Variants in MORC4 observed in about 807,000 individuals in gnomAD.
MORC4 encodes MORC family CW-type zinc finger protein 4.
MORC4 carries 22 observed loss-of-function variants against 65.5 expected under a neutral mutation model. The observed-to-expected ratio is 0.34, with a 90% CI of 0.24 to 0.48. The LOEUF is 0.48. Among genes scored for constraint, MORC4 ranks in the 20% least tolerant of loss-of-function variants. The pLI, the probability that MORC4 is intolerant of heterozygous loss-of-function variation, is 0.99. For missense variants in MORC4, 624 were observed against 703.0 expected (o/e 0.89, Z 1.27); for synonymous variants, 267 against 255.8 (o/e 1.04, Z -0.42).
intron 14 of MORC4, among the ~76,000 whole-genome samples, chrX:106,949,715 A>G (rs1006165685): frequency 2.7e-5 from 3 of 112,369 alleles, no homozygotes; most frequent in African/African-American, 9.7e-5. Context: ...TTATTAGTTA[A>G]AGGTTGTGCT....
intron 2 of MORC4, among the ~76,000 whole-genome samples, chrX:106,996,840 C>T (rs1935089517): frequency 8.9e-6 from 1 of 112,173 alleles, no homozygotes; most frequent in Admixed American, 9.4e-5. Context: ...CCCCTGCTCT[C>T]GTTATCTCAT....
intron 14 of MORC4, among the ~76,000 whole-genome samples, chrX:106,947,075 G>T (rs780494437): frequency 9.0e-6 from 1 of 111,170 alleles, no homozygotes; most frequent in South Asian, 3.8e-4. Context: ...TTTCCAATGT[G>T]ATTTTTTTTC....
chrX:106,956,867 C>G (rs768946507), intron 12 of MORC4, 69 bp downstream of exon 12: 382 of 850,328 alleles, frequency 4.5e-4, no homozygotes, highest in Non-Finnish European at 5.6e-4. Flanking sequence ...TCTCAAAACT[C>G]CCGTCCTGTA....
intron 9 of MORC4, among the ~76,000 whole-genome samples, chrX:106,971,702 A>G (rs1602493939): frequency 1.8e-5 from 2 of 112,684 alleles, no homozygotes; most frequent in Admixed American, 9.4e-5. Flanking sequence ...TGCAGCCAAC[A>G]GACATATGAA....
intron 14 of MORC4, among the ~76,000 whole-genome samples, chrX:106,948,878 T>C (rs1160788451): frequency 1.8e-5 from 2 of 111,636 alleles, no homozygotes; most frequent in African/African-American, 6.5e-5. Flanking sequence ...TGCACTATGA[T>C]GTGTCTGGCA....
chrX:106,952,828 T>C (rs1934007324), intron 14 of MORC4, among the ~76,000 whole-genome samples: 1 of 112,135 alleles, frequency 8.9e-6, no homozygotes, highest in Admixed American at 9.4e-5. Flanking sequence ...AACTCTTGAT[T>C]AAACCTTAAT....
At chrX:106,976,918 T>C (rs1414634902) in intron 8 of MORC4, among the ~76,000 whole-genome samples, 1 of 111,466 alleles carries the variant, frequency 9.0e-6, no homozygotes, top group Non-Finnish European at 1.9e-5. Context: ...CATAGATCCC[T>C]AGGAGTCTTC....
intron 10 of MORC4, 42 bp from the exon 11 acceptor site, chrX:106,958,506 C>A: frequency 8.9e-7 from 1 of 1,129,112 alleles, no homozygotes; most frequent in Non-Finnish European, 1.2e-6. Flanking sequence ...TATATCTTAG[C>A]TCTGTGCTTT....
chrX:106,956,642 C>T (rs1221431541), intron 12 of MORC4, 108 bp from the exon 13 acceptor site: 8 of 700,764 alleles, frequency 1.1e-5, no homozygotes, highest in East Asian at 3.2e-5. Context: ...ATTACAAATA[C>T]TGTGAGCCTC....
intron 9 of MORC4, among the ~76,000 whole-genome samples, chrX:106,963,500 A>G (rs1490854440): frequency 8.9e-6 from 1 of 111,856 alleles, no homozygotes; most frequent in Non-Finnish European, 1.9e-5. Context: ...CAAAAAGGAC[A>G]CTGTCCTCCA....
intron 14 of MORC4, among the ~76,000 whole-genome samples, chrX:106,951,378 A>T (rs989179408): frequency 9.0e-6 from 1 of 111,471 alleles, no homozygotes; most frequent in Non-Finnish European, 1.9e-5. Flanking sequence ...GTTACTTTAG[A>T]TCTTTCTTTT....
At chrX:106,984,696 C>T (rs1934831439) in intron 5 of MORC4, among the ~76,000 whole-genome samples, 1 of 107,019 alleles carries the variant, frequency 9.3e-6, no homozygotes, top group Non-Finnish European at 1.9e-5. Context: ...TGAGAGGTCT[C>T]GATCTCTCAA....
intron 3 of MORC4, 45 bp from the exon 4 acceptor site, chrX:106,986,245 A>G: frequency 9.9e-7 from 1 of 1,009,721 alleles, no homozygotes; most frequent in Non-Finnish European, 1.4e-6. Flanking sequence ...AAGAAATCAG[A>G]AAGGTAAAAA....
chrX:106,990,411 A>C (rs1934958324), intron 3 of MORC4, among the ~76,000 whole-genome samples: 1 of 109,494 alleles, frequency 9.1e-6, no homozygotes, highest in African/African-American at 3.3e-5. Context: ...TGCATGCCAA[A>C]ATGTTCAGCT....
intron 2 of MORC4, 123 bp downstream of exon 2, chrX:106,999,554 C>A: frequency 1.8e-6 from 1 of 557,966 alleles, no homozygotes; most frequent in Non-Finnish European, 2.5e-6. Flanking sequence ...GGGGCCGGTT[C>A]CGAGGCCCCC....
In MORC4 at chrX:106,984,000, A is replaced by T. The variant is rs763825377; in HGVS notation, c.674+1096T>A. ...AAAATAACTATCAATTACCAAACTT[A>T]AAAAAATGCCTATTGGCCAGGCACG... On this transcript the variant is annotated intron_variant, in intron 5 of 16. Coordinates refer to ENST00000355610, the MANE Select transcript of MORC4 (RefSeq NM_024657.5). 5.4e-5 allele frequency among the ~76,000 whole-genome samples: 6 copies of T among 112,072 alleles called. No individual in the cohort carries two copies. The South Asian group carries it at 2.2e-3, about 42-fold the overall frequency.
At chrX:106,978,620 GCACACACACA>G (rs376470714) in intron 7 of MORC4, among the ~76,000 whole-genome samples, 1 of 101,995 alleles carries the variant, frequency 9.8e-6, no homozygotes, top group Non-Finnish European at 2.0e-5. Flanking sequence ...ACACACACAC[GCACACACACA>G]CACACACACA....
At chrX:106,959,629 C>T (rs1323790816) in intron 10 of MORC4, among the ~76,000 whole-genome samples, 1 of 111,442 alleles carries the variant, frequency 9.0e-6, no homozygotes, top group African/African-American at 3.3e-5. Flanking sequence ...CCTCTGCCTC[C>T]TGGGCTCAAG....
chrX:106,944,022 C>CTTACATTTTTAAG (rs1933764495), intron 14 of MORC4, among the ~76,000 whole-genome samples: 1 of 112,379 alleles, frequency 8.9e-6, no homozygotes, highest in Non-Finnish European at 1.9e-5. Flanking sequence ...GGTGGGAACC[C>CTTACATTTTTAAG]CATTTTTATC....
Sources: allele counts gnomAD v4.1 joint callset (sites outside exome capture counted in the v4.1 genomes callset), GRCh38; gene constraint gnomAD v4.1.1; transcripts MANE v1.5; gene names NCBI Gene and HGNC (gene_info 2026-07-23, HGNC 2026-07-21).